Variants in HABP2 observed in about 807,000 individuals in gnomAD.
HABP2 encodes factor VII-activating protease.
Under a neutral mutation model 66.5 loss-of-function variants are expected in HABP2, and 65 were observed. The observed-to-expected ratio is 0.98, with a 90% confidence interval of 0.80 to 1.20. HABP2 has a LOEUF of 1.20. Ranked by LOEUF, HABP2 falls within the 50% of genes most tolerant of loss-of-function variation. HABP2 has a pLI of 0.00. For synonymous variants in HABP2, 263 were observed against 253.9 expected (o/e 1.04, Z -0.34); for missense variants, 786 against 691.0 (o/e 1.14, Z -1.54).
chr10:113,581,792 C>T (rs1845538950), intron 8 of HABP2, 84 bp from the exon 9 acceptor site: 2 of 1,426,288 alleles, frequency 1.4e-6, no homozygotes, highest in Admixed American at 1.9e-5. Context: ...AGCTGTTGGG[C>T]TCAGAGTCAT....
rs1312448506 is a variant in HABP2, at chr10:113,557,027, T to A, written c.69+3837T>A. ...CTTACTGCACTTCTCTGGTTATTGC[T>A]CAGAAATGCTGTGGATATTGACTTA... is the stretch of plus-strand genomic sequence containing the variant. On this transcript the variant is annotated intron_variant, in intron 1 of 12. Coordinates refer to ENST00000351270, the MANE Select transcript of HABP2 (RefSeq NM_004132.5). Among the ~76,000 whole-genome samples, 4 of 152,236 alleles carry A rather than the reference T, an allele frequency of 2.6e-5. No homozygotes were observed. The East Asian group carries it at 7.7e-4, about 29-fold the overall frequency.
intron 1 of HABP2, among the ~76,000 whole-genome samples, chr10:113,555,693 G>C (rs1416464380): frequency 6.6e-6 from 1 of 152,230 alleles, no homozygotes; most frequent in South Asian, 2.1e-4. Context: ...TCTACTCGAG[G>C]TTTGGTTTTC....
rs1845787854 is a variant in HABP2 at position 113,589,277 on chromosome 10, T to C, written c.*908T>C. ...GAGAAAGCAAAGCCAATCTCTCATT[T>C]AGACCTGGCTTCTTTCTTCTGAACA... On this transcript the variant is annotated 3_prime_UTR_variant, in exon 13 of 13. Transcript: ENST00000351270. 4 of 590,532 alleles carry C rather than the reference T, an allele frequency of 6.8e-6. No homozygotes were observed. Among genetic ancestry groups the C allele is most frequent in the Non-Finnish European group, 1.2e-5 (4 of 334,744 alleles). 36.6% of individuals were successfully genotyped at this position (590,532 alleles called of 1,614,324 possible).
Position 113,576,696 on chromosome 10 carries a change from C to T in HABP2, c.332-454C>T, listed in dbSNP as rs76613956. Among the ~76,000 whole-genome samples, 125 of 152,246 alleles carry T rather than the reference C, an allele frequency of 8.2e-4. 1 individual carries two copies. In the East Asian group the frequency reaches 8.3e-3, roughly 10 times the overall value. ...CAGCTTTGTGGTTGACTTCTTCCCT[C>T]GGTGCCCTCTTCACTTATTCTTTTC... is the stretch of plus-strand genomic sequence containing the variant. On this transcript the variant is annotated intron_variant, in intron 4 of 12. Transcript: ENST00000351270.
At chr10:113,552,353 G>A (rs1844913119), upstream of HABP2, among the ~76,000 whole-genome samples, 1 of 152,174 alleles carries the variant, frequency 6.6e-6, no homozygotes, top group African/African-American at 2.4e-5. Flanking sequence ...CACTTAATAG[G>A]TAATTGCTGC....
At chr10:113,567,653 C>A (rs1845225018) in intron 2 of HABP2, 128 bp downstream of exon 2, 2 of 721,348 alleles carry the variant, frequency 2.8e-6, no homozygotes, top group South Asian at 1.5e-5. Flanking sequence ...TTGTCACAGG[C>A]ACCTTTGAGA....
chr10:113,569,087 AC>A (rs1181672272), intron 2 of HABP2, among the ~76,000 whole-genome samples: 1 of 152,196 alleles, frequency 6.6e-6, no homozygotes, highest in Non-Finnish European at 1.5e-5. Flanking sequence ...GAACTTTCTC[AC>A]TATCAGAGTT....
intron 2 of HABP2, chr10:113,572,685 G>A: frequency 2.2e-6 from 1 of 455,212 alleles, no homozygotes; most frequent in South Asian, 1.6e-5. Flanking sequence ...ATTTGCTCCA[G>A]GAAGACAATG....
chr10:113,565,493 A>G (rs1025321431), intron 1 of HABP2, among the ~76,000 whole-genome samples: 1 of 152,178 alleles, frequency 6.6e-6, no homozygotes, highest in East Asian at 1.9e-4. Context: ...AGAGGGAGGG[A>G]TGGAAGTGCC....
intron 1 of HABP2, among the ~76,000 whole-genome samples, chr10:113,554,684 A>G (rs1183351359): frequency 6.6e-6 from 1 of 152,210 alleles, no homozygotes; most frequent in African/African-American, 2.4e-5. Context: ...AGAACATACC[A>G]GTCGGAAAGA....
chr10:113,582,156 C>G, intron 9 of HABP2, 25 bp downstream of exon 9: 1 of 1,583,886 alleles, frequency 6.3e-7, no homozygotes, highest in Non-Finnish European at 8.5e-7. Flanking sequence ...GAGCAGGGAC[C>G]AGGGTGGCTT....
At chr10:113,584,076 G>A (rs928233005) in intron 10 of HABP2, 72 bp from the exon 11 acceptor site, 2 of 1,388,694 alleles carry the variant, frequency 1.4e-6, no homozygotes, top group Non-Finnish European at 2.0e-6. Flanking sequence ...ACCTTCATGA[G>A]CAAGTTGGAG....
chr10:113,578,798 G>A lies in HABP2; in HGVS notation c.740G>A (p.Arg247Lys). 1 of 1,598,730 alleles carries A rather than the reference G, an allele frequency of 6.3e-7. No individual in the cohort carries two copies. The highest frequency in any genetic ancestry group is 8.6e-7 in the Non-Finnish European group (1 of 1,166,720). The part of the protein sequence containing the change: ...THGIGEHNFC[R>K]NPDADEKPWC... ...GGGATTGGGGAACACAATTTCTGCA[G>A]GTAACATTTACCTTATTTATGCTCA... Residue 247 changes from arginine to lysine, a missense_variant and splice_region_variant, in exon 7 of 13, where the codon AGA (arginine) becomes AAA (lysine). By Grantham distance (26) the Arg-to-Lys change is conservative. Transcript: ENST00000351270.
intron 12 of HABP2, among the ~76,000 whole-genome samples, chr10:113,586,441 A>AT (rs1388765454): frequency 3.0e-5 from 4 of 131,966 alleles, no homozygotes. Flanking sequence ...ATATTAACTC[A>AT]TGATTAGGAC....
At chr10:113,553,239 T>C (rs1844931101) in intron 1 of HABP2, 49 bp downstream of exon 1, 2 of 1,340,150 alleles carry the variant, frequency 1.5e-6, no homozygotes, top group South Asian at 1.2e-5. Flanking sequence ...CGAAGTTTAC[T>C]AGGAGGACCA....
intron 4 of HABP2, 132 bp downstream of exon 4, chr10:113,576,136 C>T (rs1845405101): frequency 1.6e-6 from 1 of 630,196 alleles, no homozygotes; most frequent in East Asian, 2.8e-5. Context: ...TAGTGTATTC[C>T]TCTGCAGGGT....
intron 1 of HABP2, among the ~76,000 whole-genome samples, chr10:113,564,145 A>T (rs1421641204): frequency 6.6e-6 from 1 of 152,180 alleles, no homozygotes; most frequent in Non-Finnish European, 1.5e-5. Flanking sequence ...ACATGGTGGC[A>T]GGCAAAACAG....
chr10:113,558,810 C>T (rs370150012), intron 1 of HABP2, among the ~76,000 whole-genome samples: 13 of 152,008 alleles, frequency 8.6e-5, no homozygotes, highest in East Asian at 3.9e-4. Flanking sequence ...GCTTATGAGG[C>T]GGCCCCACGC....
intron 2 of HABP2, among the ~76,000 whole-genome samples, chr10:113,570,532 T>A (rs1200063367): frequency 6.6e-6 from 1 of 152,244 alleles, no homozygotes; most frequent in Admixed American, 6.5e-5. Flanking sequence ...TGTTTAAACC[T>A]GAACTGTTTT....
Sources: allele counts gnomAD v4.1 joint callset (sites outside exome capture counted in the v4.1 genomes callset), GRCh38; gene constraint gnomAD v4.1.1; transcripts MANE v1.5; gene names NCBI Gene and HGNC (gene_info 2026-07-23, HGNC 2026-07-21).